The following RYK variants were observed in gnomAD, a reference collection of about 807,000 sequenced individuals.
RYK encodes inactive tyrosine-protein kinase RYK.
RYK carries 21 observed loss-of-function variants against 70.2 expected under a neutral mutation model. That is an observed-to-expected ratio of 0.30 (90% CI 0.21 to 0.43). The LOEUF is 0.43. RYK is among the 20% of genes least tolerant of loss of function. The pLI is 1.00. For synonymous variants in RYK, 267 were observed against 278.0 expected (o/e 0.96, Z 0.39); for missense variants, 604 against 753.3 (o/e 0.80, Z 2.32).
chr3:134,192,422 G>A lies in RYK; in HGVS notation c.890-448C>T, dbSNP rs372551132. Among the ~76,000 whole-genome samples, 24 of 149,698 alleles carry A rather than the reference G, an allele frequency of 1.6e-4. No individual in the cohort carries two copies. The South Asian group carries it at 4.8e-3, about 30-fold the overall frequency. ...TTTCAAACATCTCTTCATTTGAAAA[G>A]TTGTTTTGTTTGAACAAACAAAAAG... On this transcript the variant is annotated intron_variant, in intron 7 of 14. Transcript: ENST00000623711.
chr3:134,226,246 A>AGGGG, intron 1 of RYK, among the ~76,000 whole-genome samples: 1 of 152,270 alleles, frequency 6.6e-6, no homozygotes, highest in South Asian at 2.1e-4. Flanking sequence ...AAAAAGATAA[A>AGGGG]AAGATTATTA....
chr3:134,224,292 C>T (rs762205948), intron 1 of RYK, among the ~76,000 whole-genome samples: 2 of 151,932 alleles, frequency 1.3e-5, no homozygotes, highest in African/African-American at 2.4e-5. Flanking sequence ...GTCACGTGTC[C>T]GACGGACAGG....
intron 1 of RYK, among the ~76,000 whole-genome samples, chr3:134,246,349 G>GAA (rs1206980101): frequency 8.1e-6 from 1 of 122,758 alleles, no homozygotes; most frequent in Non-Finnish European, 1.7e-5. Flanking sequence ...CACACAGAGA[G>GAA]AGAGAAAATA....
chr3:134,222,353 A>G, intron 2 of RYK, 65 bp downstream of exon 2: 1 of 1,589,984 alleles, frequency 6.3e-7, no homozygotes. Context: ...CAGTCCTCAA[A>G]CACAGCCCTT....
chr3:134,176,085 T>C lies in RYK; in HGVS notation c.1306-46A>G, dbSNP rs760542289. 9.1e-6 allele frequency: 10 copies of C among 1,100,896 alleles called. No homozygotes were observed. In the South Asian group the frequency reaches 1.1e-4, roughly 12 times the overall value. 68.2% of individuals were successfully genotyped at this position (1,100,896 alleles called of 1,614,324 possible). ...ATGGTTTGCAAATAGCACACAAATA[T>C]GATGGCACTTTCTTACTTTTTTTAT... On this transcript the variant is annotated intron_variant, in intron 11 of 14. Coordinates refer to ENST00000623711, the MANE Select transcript of RYK (RefSeq NM_002958.4).
intron 2 of RYK, among the ~76,000 whole-genome samples, chr3:134,214,691 C>T (rs2014498924): frequency 6.6e-6 from 1 of 152,186 alleles, no homozygotes; most frequent in African/African-American, 2.4e-5. Flanking sequence ...GCCCTTAGTT[C>T]TACTCAGCAA....
Position 134,222,545 on chromosome 3 carries a change from A to C in RYK, c.233-6T>G. ...ATAAAGTTCTGCATCAAGACCTAGA[A>C]AAAAATAGGAAAAAAATAATTAAAC... is the stretch of plus-strand genomic sequence containing the variant. On this transcript the variant is annotated splice_polypyrimidine_tract_variant and splice_region_variant and intron_variant, in intron 1 of 14. Transcript: ENST00000623711. 1 of 1,568,268 alleles carries C rather than the reference A, an allele frequency of 6.4e-7. No individual in the cohort carries two copies. The highest frequency in any genetic ancestry group is 8.7e-7 in the Non-Finnish European group (1 of 1,150,592).
chr3:134,213,395 C>A (rs757919667), intron 2 of RYK, among the ~76,000 whole-genome samples: 11 of 152,208 alleles, frequency 7.2e-5, no homozygotes, highest in Non-Finnish European at 1.5e-4. Context: ...TAGCCTGGCA[C>A]AAGTCTCCTC....
At chr3:134,224,104 A>G (rs375564429) in intron 1 of RYK, among the ~76,000 whole-genome samples, 1 of 152,288 alleles carries the variant, frequency 6.6e-6, no homozygotes. Flanking sequence ...TCGTAGAAAT[A>G]AAGACAAAAG....
intron 13 of RYK, among the ~76,000 whole-genome samples, chr3:134,164,522 T>C (rs2108141517): frequency 1.3e-5 from 2 of 152,384 alleles, no homozygotes; most frequent in South Asian, 2.1e-4. Flanking sequence ...AGCTGTATAC[T>C]GTTTTCCTAG....
intron 1 of RYK, among the ~76,000 whole-genome samples, chr3:134,241,660 T>C (rs896343674): frequency 1.3e-5 from 2 of 152,210 alleles, no homozygotes; most frequent in Non-Finnish European, 1.5e-5. Flanking sequence ...ATCTGTAGTT[T>C]GTTAAAGCTT....
chr3:134,217,358 A>T (rs563489702), intron 2 of RYK, among the ~76,000 whole-genome samples: 48 of 152,280 alleles, frequency 3.2e-4, no homozygotes, highest in African/African-American at 1.1e-3. Context: ...CCCTTCATCA[A>T]GCCTCCCCTG....
chr3:134,157,569 T>A lies in RYK; in HGVS notation c.*584A>T, dbSNP rs1446434864. On this transcript the variant is annotated 3_prime_UTR_variant, in exon 15 of 15. Coordinates refer to ENST00000623711, the MANE Select transcript of RYK (RefSeq NM_002958.4). ...GGCAGTTTGCTTCTAATAAGTATTT[T>A]TAAAAAAATTTTTTTTTCCTCTAGC... 2 of 152,280 alleles carry A rather than the reference T, an allele frequency of 1.3e-5. No homozygotes were observed. Among genetic ancestry groups the A allele is most frequent in the African/African-American group, 4.8e-5 (2 of 41,470 alleles). 9.4% of individuals were successfully genotyped at this position (152,280 alleles called of 1,614,324 possible).
chr3:134,174,097 G>C lies in RYK; in HGVS notation c.1575+1512C>G, dbSNP rs181198515. 2.6e-5 allele frequency among the ~76,000 whole-genome samples: 4 copies of C among 152,316 alleles called. No individual in the cohort carries two copies. In the East Asian group the frequency reaches 7.7e-4, roughly 29 times the overall value. On this transcript the variant is annotated intron_variant, in intron 13 of 14. Coordinates refer to ENST00000623711, the MANE Select transcript of RYK (RefSeq NM_002958.4). ...CAAAGAGAGTTTGAAAGACGTATGT[G>C]AAGAAGAAGGTGGTATGAACTTGGA...
intron 5 of RYK, among the ~76,000 whole-genome samples, chr3:134,204,763 ACTCT>A (rs2014154077): frequency 6.6e-6 from 1 of 152,076 alleles, no homozygotes. Context: ...TCACATCATA[ACTCT>A]ACTGAACAAA....
intron 6 of RYK, among the ~76,000 whole-genome samples, chr3:134,198,345 C>T (rs1299835076): frequency 1.3e-5 from 2 of 152,212 alleles, no homozygotes; most frequent in Admixed American, 1.3e-4. Context: ...CTCTGTAACT[C>T]CACTTCATCC....
intron 13 of RYK, among the ~76,000 whole-genome samples, chr3:134,163,952 A>G (rs1476620910): frequency 6.6e-6 from 1 of 152,228 alleles, no homozygotes; most frequent in Non-Finnish European, 1.5e-5. Flanking sequence ...CCTCTGTCCT[A>G]TCTTAATAAT....
chr3:134,206,741 C>G (rs1320331933), intron 5 of RYK, among the ~76,000 whole-genome samples: 2 of 152,100 alleles, frequency 1.3e-5, no homozygotes, highest in Non-Finnish European at 2.9e-5. Context: ...TCCTCCACCC[C>G]TAACCAACCA....
rs1053616892 is a variant in RYK at position 134,222,553 on chromosome 3, G to C, written c.233-14C>G. The C allele has an allele frequency of 5.8e-6, 9 of 1,557,682 alleles. No individual in the cohort carries two copies. Among genetic ancestry groups the C allele is most frequent in the Middle Eastern group, 3.4e-4 (2 of 5,940 alleles). On this transcript the variant is annotated splice_polypyrimidine_tract_variant and intron_variant, in intron 1 of 14. Transcript: ENST00000623711. The stretch of plus-strand genomic sequence containing the variant: ...CTGCATCAAGACCTAGAAAAAAATA[G>C]GAAAAAAATAATTAAACACTTAAAA...
Sources: allele counts gnomAD v4.1 joint callset (sites outside exome capture counted in the v4.1 genomes callset), GRCh38; gene constraint gnomAD v4.1.1; transcripts MANE v1.5; gene names NCBI Gene and HGNC (gene_info 2026-07-23, HGNC 2026-07-21).